Variants in ELAPOR2 observed in about 807,000 individuals in gnomAD.
ELAPOR2 encodes the protein endosome/lysosome-associated apoptosis and autophagy regulator family member 2.
A neutral mutation model predicts 120.7 loss-of-function variants in ELAPOR2; 89 were observed. The observed-to-expected ratio is 0.74, with a 90% CI of 0.62 to 0.88. ELAPOR2 has a LOEUF of 0.88. ELAPOR2 is among the 40% of genes least tolerant of loss of function. The pLI is 0.00. For missense variants in ELAPOR2, 1,134 were observed against 1,251.6 expected, an observed-to-expected ratio of 0.91 and a Z score of 1.42; for synonymous variants, 444 against 444.9, an observed-to-expected ratio of 1.00 and a Z score of 0.03.
chr7:86,884,158 T>C (rs1377896953), intron 21 of ELAPOR2, among the ~76,000 whole-genome samples: 3 of 152,186 alleles, frequency 2.0e-5, no homozygotes, highest in Non-Finnish European at 4.4e-5. Context: ...CTAACTAAAA[T>C]TGCTATTCAA....
At chr7:86,959,935 T>C (rs1327563476) in intron 2 of ELAPOR2, among the ~76,000 whole-genome samples, 4 of 152,332 alleles carry the variant, frequency 2.6e-5, no homozygotes, top group South Asian at 4.1e-4. Flanking sequence ...AAATATTTTC[T>C]AATTTCCCTA....
intron 18 of ELAPOR2, among the ~76,000 whole-genome samples, chr7:86,903,082 A>C (rs1385145490): frequency 6.6e-6 from 1 of 152,206 alleles, no homozygotes; most frequent in Non-Finnish European, 1.5e-5. Flanking sequence ...AAACCGAGAC[A>C]AACTAAATTA....
At chr7:86,937,470 A>G (rs545343942) in intron 8 of ELAPOR2, among the ~76,000 whole-genome samples, 1 of 152,232 alleles carries the variant, frequency 6.6e-6, no homozygotes, top group African/African-American at 2.4e-5. Context: ...TCACTGACAC[A>G]GGCTGCTGTA....
chr7:87,032,509 G>C (rs1426972147), intron 1 of ELAPOR2, among the ~76,000 whole-genome samples: 1 of 152,078 alleles, frequency 6.6e-6, no homozygotes, highest in Non-Finnish European at 1.5e-5. Context: ...ACAGAAAAAG[G>C]CCATCTGTTT....
At chr7:86,959,808 G>T (rs972600725) in intron 2 of ELAPOR2, among the ~76,000 whole-genome samples, 5 of 152,094 alleles carry the variant, frequency 3.3e-5, no homozygotes, top group African/African-American at 1.2e-4. Context: ...TCCTTGACTT[G>T]TAATGTTAGG....
chr7:86,926,672 G>A, intron 9 of ELAPOR2, 64 bp downstream of exon 9: 3 of 1,409,552 alleles, frequency 2.1e-6, no homozygotes, highest in South Asian at 1.5e-5. Context: ...TTAGAAAATG[G>A]TCACAGTAGT....
intron 15 of ELAPOR2, chr7:86,911,546 C>T (rs1486000252): frequency 2.2e-6 from 1 of 447,966 alleles, no homozygotes; most frequent in East Asian, 6.9e-5. Flanking sequence ...TGTAACCTCT[C>T]CCCATTGCCA....
At chr7:87,004,743 T>C (rs1793420613) in intron 1 of ELAPOR2, among the ~76,000 whole-genome samples, 1 of 152,114 alleles carries the variant, frequency 6.6e-6, no homozygotes, top group East Asian at 1.9e-4. Context: ...TGCATTCTCA[T>C]CATGAAGGCC....
intron 1 of ELAPOR2, among the ~76,000 whole-genome samples, chr7:86,974,790 A>C (rs1159694893): frequency 4.6e-5 from 7 of 152,176 alleles, no homozygotes; most frequent in African/African-American, 1.2e-4. Context: ...ACATAAAAAA[A>C]AATTCATATT....
At chr7:86,968,754 A>G (rs1792004149) in intron 1 of ELAPOR2, among the ~76,000 whole-genome samples, 1 of 152,220 alleles carries the variant, frequency 6.6e-6, no homozygotes, top group Admixed American at 6.5e-5. Flanking sequence ...AGGGCTTCTG[A>G]CAGTTTATCA....
rs765292080 is a variant in ELAPOR2, at chr7:86,913,067, T to G, written c.1869A>C (p.Pro623=). 6.2e-7 allele frequency: 1 copy of G among 1,613,942 alleles called. No individual in the cohort carries two copies. Among genetic ancestry groups the G allele is most frequent in the African/African-American group, 1.3e-5 (1 of 74,912 alleles). ...QSGSSCVPCP[P]GHYIEKETNQ... is the part of the protein sequence containing the mutation. ...TGGTTTCTTTCTCAATGTAGTGGCC[T>G]GGAGGGCAGGGGACACACGATGAAC... Residue 623 remains proline (P), a synonymous_variant, in exon 14 of 22, where the codon CCA becomes CCC. Coordinates refer to ENST00000450689, the MANE Select transcript of ELAPOR2 (RefSeq NM_001142749.3).
At chr7:87,056,503 T>C (rs1198528948) in intron 1 of ELAPOR2, among the ~76,000 whole-genome samples, 1 of 152,234 alleles carries the variant, frequency 6.6e-6, no homozygotes, top group East Asian at 1.9e-4. Context: ...TTCCTTTTAT[T>C]TCTGTCTCCC....
At chr7:87,038,270 T>C (rs918138557) in intron 1 of ELAPOR2, among the ~76,000 whole-genome samples, 1 of 152,214 alleles carries the variant, frequency 6.6e-6, no homozygotes, top group Non-Finnish European at 1.5e-5. Context: ...GAAATTAAGA[T>C]GTATTACAGT....
At position 86,918,484 on chromosome 7, in the gene ELAPOR2, A is replaced by T; in HGVS notation, c.1551T>A (p.Phe517Leu). ...GSELGRITFV[F>L]ETLCSADCVL... ...CACAGTCAGCTGAACAGAGGGTCTC[A>T]AAGACAAATGTTATTCTTCCTAGTT... Residue 517 changes from phenylalanine (F) to leucine (L), a missense_variant, in exon 12 of 22, where the codon TTT becomes TTA. By Grantham distance (22) the Phe-to-Leu change is conservative. Coordinates refer to ENST00000450689, the MANE Select transcript of ELAPOR2 (RefSeq NM_001142749.3). 2 of 1,613,232 alleles carry T rather than the reference A, an allele frequency of 1.2e-6. No homozygotes were observed. The highest frequency in any genetic ancestry group is 1.7e-6 in the Non-Finnish European group (2 of 1,179,378).
intron 1 of ELAPOR2, among the ~76,000 whole-genome samples, chr7:87,034,895 C>A (rs1338798695): frequency 6.6e-6 from 1 of 152,046 alleles, no homozygotes; most frequent in Non-Finnish European, 1.5e-5. Flanking sequence ...CCAACCTGGC[C>A]AACATGGTGA....
At chr7:86,916,642 C>G (rs1789582344) in intron 12 of ELAPOR2, among the ~76,000 whole-genome samples, 1 of 152,160 alleles carries the variant, frequency 6.6e-6, no homozygotes, top group Non-Finnish European at 1.5e-5. Flanking sequence ...CACAGAGTTT[C>G]TTATTCAGTA....
Position 86,906,491 on chromosome 7 carries a change from C to T in ELAPOR2, c.2558+1179G>A, listed in dbSNP as rs554720567. 3.3e-3 allele frequency among the ~76,000 whole-genome samples: 509 copies of T among 152,180 alleles called. 1 individual carries two copies. Among genetic ancestry groups the T allele is most frequent in the Middle Eastern group, 6.8e-3 (2 of 294 alleles). On this transcript the variant is annotated intron_variant, in intron 18 of 21. Transcript: ENST00000450689. The stretch of plus-strand genomic sequence containing the variant: ...AAAATAAGCCCAAAATACTGTGTTA[C>T]CCCTGTAACTATTTTTAGGATACAT...
intron 18 of ELAPOR2, among the ~76,000 whole-genome samples, chr7:86,906,212 A>G (rs1298587609): frequency 6.6e-6 from 1 of 152,080 alleles, no homozygotes; most frequent in African/African-American, 2.4e-5. Flanking sequence ...GAAAATGATG[A>G]AAGACACACT....
At chr7:86,892,819 G>A (rs1788230339) in intron 20 of ELAPOR2, 103 bp downstream of exon 20, 1 of 1,066,886 alleles carries the variant, frequency 9.4e-7, no homozygotes, top group South Asian at 3.1e-5. Context: ...AAATTCTTGT[G>A]TCTCTGAGAG....
Sources: gnomAD v4.1 joint callset for allele counts (sites outside exome capture counted in the v4.1 genomes callset) on GRCh38, gnomAD v4.1.1 for gene constraint, MANE v1.5 for transcripts, NCBI Gene and HGNC (gene_info 2026-07-23, HGNC 2026-07-21) for gene names.